The following NUP133 variants were observed in gnomAD, a reference collection of about 807,000 sequenced individuals.
NUP133 encodes nuclear pore complex protein Nup133.
Under a neutral mutation model 146.2 loss-of-function variants are expected in NUP133, and 66 were observed. The ratio of observed to expected loss-of-function variants is 0.45; its 90% CI spans 0.37 to 0.55. The LOEUF (loss-of-function observed/expected upper bound fraction) is 0.55. NUP133 is among the 20% of genes least tolerant of loss of function. The pLI, the probability that NUP133 is intolerant of heterozygous loss-of-function variation, is 0.00. For synonymous variants in NUP133, 521 were observed against 498.8 expected (o/e 1.04, Z -0.59); for missense variants, 1,277 against 1,374.8 (o/e 0.93, Z 1.12).
intron 20 of NUP133, among the ~76,000 whole-genome samples, chr1:229,459,504 T>C (rs1177056693): frequency 1.3e-5 from 2 of 152,204 alleles, no homozygotes; most frequent in Non-Finnish European, 2.9e-5. Context: ...TATATATGTA[T>C]ATGTGTATGT....
At chr1:229,467,599 G>A (rs942377257) in intron 15 of NUP133, among the ~76,000 whole-genome samples, 3 of 152,204 alleles carry the variant, frequency 2.0e-5, no homozygotes, top group African/African-American at 7.2e-5. Flanking sequence ...AAGCTTAAGT[G>A]TAAGAATATT....
chr1:229,477,810 A>T (rs1311059580), intron 12 of NUP133, 50 bp from the exon 13 acceptor site: 1 of 1,422,966 alleles, frequency 7.0e-7, no homozygotes, highest in Non-Finnish European at 9.6e-7. Flanking sequence ...AAATATTTTC[A>T]AAACTCACCA....
intron 8 of NUP133, among the ~76,000 whole-genome samples, chr1:229,493,343 A>C (rs893657628): frequency 6.6e-6 from 1 of 152,018 alleles, no homozygotes; most frequent in South Asian, 2.1e-4. Flanking sequence ...CGCCCAGCTA[A>C]TTTTTTATTT....
intron 2 of NUP133, among the ~76,000 whole-genome samples, chr1:229,505,564 T>TAAAAAAAAAAAAAAAAAAAAA: frequency 1.6e-5 from 1 of 63,220 alleles, no homozygotes; most frequent in Non-Finnish European, 3.0e-5. Context: ...CAATTACAGT[T>TAAAAAAAAAAAAAAAAAAAAA]AAAAAAAAAA....
Position 229,444,516 on chromosome 1 carries a change from G to A in NUP133, c.3334+398C>T, listed in dbSNP as rs75416279. ...CTGTGGCATTTTTACAGCTATGAAA[G>A]GAAGCTACAAATCTGAATACTAATG... On this transcript the variant is annotated intron_variant, in intron 25 of 25. Coordinates refer to ENST00000261396, the MANE Select transcript of NUP133 (RefSeq NM_018230.3). Among the ~76,000 whole-genome samples, 1,129 of 152,062 alleles carry A rather than the reference G, an allele frequency of 7.4e-3. 17 individuals are homozygous for A. Among genetic ancestry groups the A allele is most frequent in the African/African-American group, 0.026 (1,082 of 41,458 alleles).
chr1:229,505,374 A>T (rs1661907310), intron 2 of NUP133, among the ~76,000 whole-genome samples: 1 of 151,960 alleles, frequency 6.6e-6, no homozygotes, highest in Non-Finnish European at 1.5e-5. Flanking sequence ...TGTATGTATT[A>T]AAAAAACACA....
rs563905003 is a variant in NUP133 at position 229,479,485 on chromosome 1, T to G, written c.1593-1725A>C. Among the ~76,000 whole-genome samples the G allele has an allele frequency of 1.8e-4, 27 of 152,284 alleles. No individual in the cohort carries two copies. In the South Asian group the frequency reaches 5.4e-3, roughly 30 times the overall value. On this transcript the variant is annotated intron_variant, in intron 12 of 25. Coordinates refer to ENST00000261396, the MANE Select transcript of NUP133 (RefSeq NM_018230.3). ...TATAGGAAAAACGTATATATATGAT[T>G]CAGTACTATATGCAATTTCAGGTAT...
Position 229,484,150 on chromosome 1 carries a change from A to G in NUP133, c.1501-5T>C, listed in dbSNP as rs1444094996. The G allele has an allele frequency of 6.3e-7, 1 of 1,599,156 alleles. No individual in the cohort carries two copies. The highest frequency in any genetic ancestry group is 8.6e-7 in the Non-Finnish European group (1 of 1,167,830). On this transcript the variant is annotated splice_region_variant and splice_polypyrimidine_tract_variant and intron_variant, in intron 11 of 25. Transcript: ENST00000261396. ...AGTGGTCTCAAAAATCATACTCTGC[A>G]AAATAACAAAGTATAGTTTAGAGGT... is the stretch of plus-strand genomic sequence containing the variant.
chr1:229,469,451 T>TAGC (rs2102761592), intron 15 of NUP133, among the ~76,000 whole-genome samples: 1 of 152,332 alleles, frequency 6.6e-6, no homozygotes, highest in East Asian at 1.9e-4. Context: ...AAGCAAGGTG[T>TAGC]AGCAACAGGA....
At chr1:229,474,777 G>C (rs1270286961) in intron 14 of NUP133, among the ~76,000 whole-genome samples, 2 of 152,124 alleles carry the variant, frequency 1.3e-5, no homozygotes, top group African/African-American at 4.8e-5. Context: ...GCCGGGTGTG[G>C]TAGTGAGTAG....
At position 229,441,483 on chromosome 1, in the gene NUP133, C is replaced by G. The variant is rs1206832595; in HGVS notation, c.*421G>C. On this transcript the variant is annotated 3_prime_UTR_variant, in exon 26 of 26. Transcript: ENST00000261396. Reference sequence around the variant, plus strand: ...CATTAGCCCTAACTGAAACAGATATCAAACACCCTAGATTCTCTTCAGTGC... The same window carrying G: ...CATTAGCCCTAACTGAAACAGATATGAAACACCCTAGATTCTCTTCAGTGC... 4 of 530,504 alleles carry G rather than the reference C, an allele frequency of 7.5e-6. No homozygotes were observed. In the African/African-American group the frequency reaches 7.7e-5, roughly 10 times the overall value. The allele number at this position is 530,504 out of a possible 1,614,324, so 32.9% of individuals were successfully genotyped here. A position where few individuals can be genotyped will look rare whatever the true frequency, so the allele number is the denominator to read the frequency against.
intron 5 of NUP133, 83 bp downstream of exon 5, chr1:229,499,601 T>G: frequency 7.0e-7 from 1 of 1,432,450 alleles, no homozygotes; most frequent in Non-Finnish European, 9.5e-7. Context: ...AGATCCCACC[T>G]CTATTTAAAA....
At chr1:229,501,730 G>T (rs914038693) in intron 3 of NUP133, among the ~76,000 whole-genome samples, 1 of 152,098 alleles carries the variant, frequency 6.6e-6, no homozygotes. Context: ...TTAGGCAGAC[G>T]GATTAGCATT....
chr1:229,508,044 G>T (rs1184949544), intron 1 of NUP133, 24 bp downstream of exon 1: 19 of 1,439,050 alleles, frequency 1.3e-5, no homozygotes, highest in Non-Finnish European at 1.7e-5. Flanking sequence ...TTGGTTGCCA[G>T]ACCCAACCAG....
intron 2 of NUP133, among the ~76,000 whole-genome samples, chr1:229,504,241 C>T (rs549859710): frequency 5.9e-5 from 9 of 152,060 alleles, no homozygotes; most frequent in South Asian, 4.1e-4. Context: ...TTAAGTAAAA[C>T]GAACAAAATT....
At chr1:229,489,708 T>C (rs1427856503) in intron 9 of NUP133, among the ~76,000 whole-genome samples, 2 of 152,052 alleles carry the variant, frequency 1.3e-5, no homozygotes, top group African/African-American at 2.4e-5. Flanking sequence ...CTGTCTCTGC[T>C]AAAAATATAA....
At chr1:229,444,292 C>T (rs943479685) in intron 25 of NUP133, among the ~76,000 whole-genome samples, 1 of 151,974 alleles carries the variant, frequency 6.6e-6, no homozygotes, top group South Asian at 2.1e-4. Context: ...GATTGAGCCA[C>T]TGCACTCCAG....
intron 19 of NUP133, among the ~76,000 whole-genome samples, chr1:229,461,688 A>G (rs1242796421): frequency 2.6e-5 from 4 of 152,358 alleles, no homozygotes; most frequent in African/African-American, 7.2e-5. Context: ...AGGCAACATA[A>G]ACAGACTCAA....
intron 24 of NUP133, among the ~76,000 whole-genome samples, chr1:229,446,950 C>T (rs905576528): frequency 6.6e-6 from 1 of 151,828 alleles, no homozygotes; most frequent in Admixed American, 6.6e-5. Context: ...CATGAAGAAA[C>T]CCTGTCTCTA....
Sources: allele counts gnomAD v4.1 joint callset (sites outside exome capture counted in the v4.1 genomes callset), GRCh38; gene constraint gnomAD v4.1.1; transcripts MANE v1.5; gene names NCBI Gene and HGNC (gene_info 2026-07-23, HGNC 2026-07-21).